The following BBS9 variants were observed in gnomAD, a reference collection of about 807,000 sequenced individuals.
BBS9 encodes the protein protein PTHB1.
In BBS9, 89 loss-of-function variants were observed where a neutral mutation model predicts 117.7. The ratio of observed to expected loss-of-function variants is 0.76; its 90% CI spans 0.64 to 0.90. The LOEUF (loss-of-function observed/expected upper bound fraction) is 0.90, where lower values mean the gene tolerates loss of function less well. Among genes scored for constraint, BBS9 ranks in the 40% least tolerant of loss-of-function variants. BBS9 has a pLI of 0.00. For synonymous variants in BBS9, 379 were observed against 370.9 expected (o/e 1.02, Z -0.25); for missense variants, 982 against 1,042.2 (o/e 0.94, Z 0.80).
chr7:33,238,783 A>T (rs1449661969), intron 5 of BBS9, among the ~76,000 whole-genome samples: 1 of 151,964 alleles, frequency 6.6e-6, no homozygotes, highest in Non-Finnish European at 1.5e-5. Context: ...TGTATTTATT[A>T]ATTTAAAGTC....
At position 33,326,359 on chromosome 7, in the gene BBS9, T is replaced by A. The variant is rs148446645; in HGVS notation, c.1017-10082T>A. Among the ~76,000 whole-genome samples, 500 of 152,048 alleles carry A rather than the reference T, an allele frequency of 3.3e-3. 5 individuals carry two copies. The highest frequency in any genetic ancestry group is 0.012 in the African/African-American group (485 of 41,456). Reference sequence around the variant, plus strand: ...CCCAGGCTCTTCAGTCAGCTTGTGATGAATGCTGCCAGGCTTGAGCAGTGG... The same window carrying A: ...CCCAGGCTCTTCAGTCAGCTTGTGAAGAATGCTGCCAGGCTTGAGCAGTGG... On this transcript the variant is annotated intron_variant, in intron 9 of 22. Coordinates refer to ENST00000242067, the MANE Select transcript of BBS9 (RefSeq NM_198428.3).
intron 18 of BBS9, among the ~76,000 whole-genome samples, chr7:33,385,275 G>T (rs1825809063): frequency 6.6e-6 from 1 of 152,176 alleles, no homozygotes; most frequent in Non-Finnish European, 1.5e-5. Context: ...TATGGTGAAT[G>T]ACAGGCACTT....
At chr7:33,441,856 T>G (rs1836244540) in intron 19 of BBS9, among the ~76,000 whole-genome samples, 1 of 152,056 alleles carries the variant, frequency 6.6e-6, no homozygotes, top group Non-Finnish European at 1.5e-5. Context: ...TGCCCATCAA[T>G]TACAGCAATG....
At chr7:33,459,914 A>G (rs954530945) in intron 19 of BBS9, among the ~76,000 whole-genome samples, 1 of 152,124 alleles carries the variant, frequency 6.6e-6, no homozygotes, top group Admixed American at 6.6e-5. Context: ...GGAACATTCT[A>G]ATTACCCAAG....
In BBS9 at chr7:33,131,857, G is replaced by A. The variant is rs970319688; in HGVS notation, c.-12+1816G>A. On this transcript the variant is annotated intron_variant, in intron 1 of 22. Coordinates refer to ENST00000242067, the MANE Select transcript of BBS9 (RefSeq NM_198428.3). ...AAATTCAGAAGGTCAGCAAAAAAAG[G>A]TCAGCCACCTCTTAAATGAAACCTA... Among the ~76,000 whole-genome samples, 5 of 152,098 alleles carry A rather than the reference G, an allele frequency of 3.3e-5. No homozygotes were observed. The South Asian group carries it at 1.0e-3, about 32-fold the overall frequency.
chr7:33,390,372 CA>C lies in BBS9; in HGVS notation c.2115+2230del, dbSNP rs1180799461. 16 of 985,188 alleles carry C rather than the reference CA, an allele frequency of 1.6e-5. No homozygotes were observed. The African/African-American group carries it at 2.8e-4, about 17-fold the overall frequency. The allele number at this position is 985,188 out of a possible 1,614,324, so 61.0% of individuals were successfully genotyped here. On this transcript the variant is annotated intron_variant, in intron 19 of 22. Transcript: ENST00000242067. ...GTTTTTATTTTTTTCTGCTTAGCCT[CA>C]AGGTTGAGGTTTTCCATGATTTGTA...
At chr7:33,404,425 T>TA (rs1314715806) in intron 19 of BBS9, among the ~76,000 whole-genome samples, 1 of 152,056 alleles carries the variant, frequency 6.6e-6, no homozygotes, top group Admixed American at 6.5e-5. Context: ...ATCTATAAAT[T>TA]ACCTTGGGCA....
intron 9 of BBS9, among the ~76,000 whole-genome samples, chr7:33,320,079 A>G (rs1811374593): frequency 6.6e-6 from 1 of 152,158 alleles, no homozygotes; most frequent in Non-Finnish European, 1.5e-5. Context: ...CTTCACTTCA[A>G]GTACTTATCC....
At chr7:33,470,731 A>G (rs971335991) in intron 19 of BBS9, among the ~76,000 whole-genome samples, 2 of 152,190 alleles carry the variant, frequency 1.3e-5, no homozygotes, top group Non-Finnish European at 2.9e-5. Flanking sequence ...ACTGTAGAAG[A>G]ACAATCACAC....
At chr7:33,169,604 GTCT>G (rs1796219601) in intron 4 of BBS9, among the ~76,000 whole-genome samples, 1 of 149,962 alleles carries the variant, frequency 6.7e-6, no homozygotes, top group Admixed American at 6.6e-5. Flanking sequence ...CTGCATAAAT[GTCT>G]TCTTTTGAGA....
chr7:33,552,294 A>T (rs775301440), intron 21 of BBS9, among the ~76,000 whole-genome samples: 1 of 152,196 alleles, frequency 6.6e-6, no homozygotes, highest in Non-Finnish European at 1.5e-5. Flanking sequence ...GAAGATGCTC[A>T]ACAGATCTTC....
At chr7:33,255,593 G>T (rs1268069449) in intron 5 of BBS9, among the ~76,000 whole-genome samples, 1 of 152,144 alleles carries the variant, frequency 6.6e-6, no homozygotes, top group Non-Finnish European at 1.5e-5. Context: ...CCCTTAGTGG[G>T]ACCTGGGAAT....
chr7:33,481,931 G>T (rs766168264), intron 19 of BBS9, among the ~76,000 whole-genome samples: 4 of 152,160 alleles, frequency 2.6e-5, no homozygotes, highest in African/African-American at 9.7e-5. Context: ...GAGGGATGTC[G>T]TCCTGTAGTT....
chr7:33,570,757 TACA>T (rs1380581996), intron 21 of BBS9, among the ~76,000 whole-genome samples: 2 of 152,202 alleles, frequency 1.3e-5, no homozygotes, highest in South Asian at 2.1e-4. Flanking sequence ...CTGAGAAGTG[TACA>T]ACATCATTTC....
At chr7:33,226,282 G>A (rs1245209000) in intron 5 of BBS9, among the ~76,000 whole-genome samples, 1 of 151,938 alleles carries the variant, frequency 6.6e-6, no homozygotes, top group Admixed American at 6.6e-5. Flanking sequence ...GATTTTTAAT[G>A]GCTTTTTGAT....
intron 20 of BBS9, among the ~76,000 whole-genome samples, chr7:33,529,637 GT>G (rs1363970730): frequency 7.5e-6 from 1 of 133,516 alleles, no homozygotes; most frequent in East Asian, 2.4e-4. Flanking sequence ...CCCTTCCCCA[GT>G]TGCCTCCCAC....
At chr7:33,471,756 T>G (rs1426401239) in intron 19 of BBS9, among the ~76,000 whole-genome samples, 1 of 152,204 alleles carries the variant, frequency 6.6e-6, no homozygotes, top group Non-Finnish European at 1.5e-5. Flanking sequence ...TTGCCAAATT[T>G]GTAAAGGTTG....
At chr7:33,340,858 A>G in intron 10 of BBS9, 39 bp from the exon 11 acceptor site, 1 of 1,550,782 alleles carries the variant, frequency 6.4e-7, no homozygotes, top group South Asian at 1.1e-5. Flanking sequence ...AGAAAGTTTT[A>G]CTTTATGATT....
At chr7:33,204,526 G>A (rs1786542235) in intron 5 of BBS9, among the ~76,000 whole-genome samples, 1 of 152,034 alleles carries the variant, frequency 6.6e-6, no homozygotes, top group African/African-American at 2.4e-5. Flanking sequence ...CACTTCTAAG[G>A]TGAAGGGACA....
Sources: allele counts gnomAD v4.1 joint callset (sites outside exome capture counted in the v4.1 genomes callset), GRCh38; gene constraint gnomAD v4.1.1; transcripts MANE v1.5; gene names NCBI Gene and HGNC (gene_info 2026-07-23, HGNC 2026-07-21).